SETD7: variants seen among roughly 807,000 people sequenced by gnomAD.
SETD7 encodes SET domain containing 7, histone lysine methyltransferase.
SETD7 carries 16 observed loss-of-function variants against 41.8 expected under a neutral mutation model. That is an observed-to-expected ratio of 0.38 (90% CI 0.26 to 0.58). The LOEUF is 0.58. Among genes scored for constraint, SETD7 ranks in the 20% least tolerant of loss-of-function variants. The pLI, the probability that SETD7 is intolerant of heterozygous loss-of-function variation, is 0.64. For synonymous variants in SETD7, 163 were observed against 169.7 expected, an observed-to-expected ratio of 0.96 and a Z score of 0.31; for missense variants, 346 against 459.7, an observed-to-expected ratio of 0.75 and a Z score of 2.26.
At chr4:139,531,857 G>C (rs1451497025) in intron 3 of SETD7, among the ~76,000 whole-genome samples, 1 of 152,140 alleles carries the variant, frequency 6.6e-6, no homozygotes, top group Non-Finnish European at 1.5e-5. Flanking sequence ...TTGGGAGGCC[G>C]AGGCAAGGAA....
intron 6 of SETD7, 125 bp from the exon 7 acceptor site, chr4:139,518,167 A>T: frequency 9.4e-7 from 1 of 1,064,254 alleles, no homozygotes; most frequent in Non-Finnish European, 1.3e-6. Flanking sequence ...TCACTCTGTC[A>T]CCTAGGCTGG....
chr4:139,513,753 T>C (rs753957163), intron 7 of SETD7, among the ~76,000 whole-genome samples: 1 of 152,156 alleles, frequency 6.6e-6, no homozygotes, highest in Non-Finnish European at 1.5e-5. Flanking sequence ...ATAATACTAG[T>C]AATAGTTATC....
rs1232523000 is a variant in SETD7, at chr4:139,507,773, G to T, written c.*3890C>A. ...CAAATTCCTGAAGGGAAAGATAAAA[G>T]AAAAACAATAATAATCTATCAAGGT... is the stretch of plus-strand genomic sequence containing the variant. On this transcript the variant is annotated 3_prime_UTR_variant, in exon 8 of 8. Coordinates refer to ENST00000274031, the MANE Select transcript of SETD7 (RefSeq NM_030648.4). The T allele has an allele frequency of 6.6e-6, 1 of 152,462 alleles. No homozygotes were observed. The highest frequency in any genetic ancestry group is 2.4e-5 in the African/African-American group (1 of 41,408). 9.4% of individuals were successfully genotyped at this position (152,462 alleles called of 1,614,324 possible).
intron 7 of SETD7, chr4:139,496,561 GATT>G: frequency 2.9e-6 from 2 of 697,450 alleles, no homozygotes; most frequent in Non-Finnish European, 5.2e-6. Flanking sequence ...CGTTTTCAGA[GATT>G]ATTAAGGTAC....
intron 7 of SETD7, among the ~76,000 whole-genome samples, chr4:139,513,039 G>T (rs1726924894): frequency 6.6e-6 from 1 of 151,988 alleles, no homozygotes; most frequent in South Asian, 2.1e-4. Context: ...GATTACAGGT[G>T]TGAGCCACTG....
At chr4:139,550,795 T>A (rs1247643719) in intron 1 of SETD7, among the ~76,000 whole-genome samples, 1 of 152,214 alleles carries the variant, frequency 6.6e-6, no homozygotes, top group Non-Finnish European at 1.5e-5. Context: ...TCTACTATGA[T>A]CGGCATTGGG....
chr4:139,534,540 C>A (rs1367267059), intron 2 of SETD7, among the ~76,000 whole-genome samples: 1 of 152,070 alleles, frequency 6.6e-6, no homozygotes, highest in Non-Finnish European at 1.5e-5. Flanking sequence ...AGGTATGTGT[C>A]ACCACACCGG....
intron 7 of SETD7, among the ~76,000 whole-genome samples, chr4:139,497,727 T>C (rs528739131): frequency 2.2e-4 from 34 of 151,906 alleles, no homozygotes; most frequent in African/African-American, 7.7e-4. Flanking sequence ...GTAGCTGGGA[T>C]TACAGGCGGC....
rs1488814925 is a variant in SETD7, at chr4:139,517,944, G to A, written c.861C>T (p.Tyr287=). ...TTGCCTTGTGTCCCAAGGAGGCACA[G>A]TACTTGGATACGTGGTTATAGGGCT... ...VPEPYNHVSK[Y]CASLGHKANH... is the part of the protein sequence containing the mutation. The change falls in exon 7 of 8, where the codon TAC becomes TAT. Residue 287 remains tyrosine, a synonymous_variant. Transcript: ENST00000274031. 3.7e-6 allele frequency: 6 copies of A among 1,614,090 alleles called. No homozygotes were observed. The highest frequency in any genetic ancestry group is 5.1e-6 in the Non-Finnish European group (6 of 1,179,962).
At chr4:139,524,071 T>G (rs1326193694) in intron 4 of SETD7, among the ~76,000 whole-genome samples, 2 of 152,186 alleles carry the variant, frequency 1.3e-5, no homozygotes, top group African/African-American at 4.8e-5. Context: ...TAAAGATAGA[T>G]GCTCTGAAGA....
Position 139,520,173 on chromosome 4 carries a change from A to G in SETD7, c.762+104T>C, listed in dbSNP as rs1372775193. The G allele has an allele frequency of 5.3e-6, 3 of 569,468 alleles. No individual in the cohort carries two copies. In the East Asian group the frequency reaches 8.8e-5, roughly 17 times the overall value. The allele number at this position is 569,468 out of a possible 1,614,324, so 35.3% of individuals were successfully genotyped here. On this transcript the variant is annotated intron_variant, in intron 6 of 7. Transcript: ENST00000274031. ...TCCAATCATTTTTACAAAAAAGCCA[A>G]TCTGCTTCTTTAACTTTCTAGTGAG... is the stretch of plus-strand genomic sequence containing the variant.
At chr4:139,521,642 A>G (rs1727183330) in intron 5 of SETD7, among the ~76,000 whole-genome samples, 1 of 152,168 alleles carries the variant, frequency 6.6e-6, no homozygotes, top group African/African-American at 2.4e-5. Flanking sequence ...GTGACCTTGT[A>G]GTGCCTCCCT....
chr4:139,494,881 T>C (rs1026588597), downstream of SETD7, among the ~76,000 whole-genome samples: 1 of 152,242 alleles, frequency 6.6e-6, no homozygotes, highest in Non-Finnish European at 1.5e-5. Flanking sequence ...TTATCTTAAA[T>C]GGGAAACTAG....
At chr4:139,544,589 C>T (rs371943227) in intron 2 of SETD7, among the ~76,000 whole-genome samples, 1 of 152,220 alleles carries the variant, frequency 6.6e-6, no homozygotes, top group Non-Finnish European at 1.5e-5. Flanking sequence ...GCTATCTTAC[C>T]CTAGGGCTGA....
intron 5 of SETD7, among the ~76,000 whole-genome samples, chr4:139,522,347 G>C (rs1047144171): frequency 6.6e-6 from 1 of 152,202 alleles, no homozygotes; most frequent in African/African-American, 2.4e-5. Flanking sequence ...TAAGGAATAA[G>C]AAGAATCCCA....
At chr4:139,534,542 C>T (rs1303979530) in intron 2 of SETD7, among the ~76,000 whole-genome samples, 2 of 152,048 alleles carry the variant, frequency 1.3e-5, no homozygotes, top group Non-Finnish European at 1.5e-5. Flanking sequence ...GTATGTGTCA[C>T]CACACCGGGT....
At position 139,532,764 on chromosome 4, in the gene SETD7, T is replaced by C. The variant is rs6854995; in HGVS notation, c.372+401A>G. 1.7e-3 allele frequency: 422 copies of C among 248,932 alleles called. 2 individuals carry two copies. The highest frequency in any genetic ancestry group is 8.9e-3 in the African/African-American group (393 of 43,968). 15.4% of individuals were successfully genotyped at this position (248,932 alleles called of 1,614,324 possible). On this transcript the variant is annotated intron_variant, in intron 3 of 7. Transcript: ENST00000274031. ...GCAGTAAGCTCTCCCAAATTAAAAA[T>C]TGCTGGACTGGTTTTTACATATGAG...
chr4:139,515,708 T>G (rs996910626), intron 7 of SETD7, among the ~76,000 whole-genome samples: 1 of 152,240 alleles, frequency 6.6e-6, no homozygotes, highest in Non-Finnish European at 1.5e-5. Flanking sequence ...TGTTAAGGGC[T>G]GCCAAGGAGA....
In SETD7 at chr4:139,555,730, C is replaced by T. The variant is rs879726784; in HGVS notation, c.40+368G>A. Among the ~76,000 whole-genome samples the T allele has an allele frequency of 3.9e-5, 6 of 152,140 alleles. No individual in the cohort carries two copies. The highest frequency in any genetic ancestry group is 1.2e-4 in the African/African-American group (5 of 41,452). ...GGATTGCTCCGCGGAGTCCGCCGGC[C>T]TCAAGGGGCTGCCCTGCGGAGTGCA... is the stretch of plus-strand genomic sequence containing the variant. On this transcript the variant is annotated intron_variant, in intron 1 of 7. Transcript: ENST00000274031. The surrounding 1 kb of genome is among the most constrained non-coding windows in gnomAD (Gnocchi z 4.0).
Sources: gnomAD v4.1 joint callset for allele counts (sites outside exome capture counted in the v4.1 genomes callset) on GRCh38, gnomAD v4.1.1 for gene constraint, Gnocchi (gnomAD v3.1) non-coding constraint, MANE v1.5 for transcripts, NCBI Gene and HGNC (gene_info 2026-07-23, HGNC 2026-07-21) for gene names.